CNTN6: variants seen among roughly 807,000 people sequenced by gnomAD.
The protein encoded by CNTN6 is contactin-6.
CNTN6 carries 137 observed loss-of-function variants against 122.8 expected under a neutral mutation model. That is an observed-to-expected ratio of 1.12 (90% CI 0.97 to 1.29). The LOEUF (loss-of-function observed/expected upper bound fraction) is 1.29. Among genes scored for constraint, CNTN6 ranks in the 50% most tolerant of loss-of-function variants. The pLI is 0.00. For synonymous variants in CNTN6, 570 were observed against 426.0 expected (o/e 1.34, Z -4.16); for missense variants, 1,634 against 1,223.4 (o/e 1.34, Z -5.01).
chr3:1,132,009 C>T (rs1159076835), intron 1 of CNTN6, among the ~76,000 whole-genome samples: 3 of 151,950 alleles, frequency 2.0e-5, no homozygotes, highest in African/African-American at 7.2e-5. Context: ...GAGTTTATGT[C>T]AGGTAGAGTG....
chr3:1,136,633 C>T (rs1010501949), intron 1 of CNTN6, among the ~76,000 whole-genome samples: 3 of 152,146 alleles, frequency 2.0e-5, no homozygotes, highest in Non-Finnish European at 4.4e-5. Context: ...AGCTTTATAA[C>T]AACTCAGGGT....
intron 4 of CNTN6, among the ~76,000 whole-genome samples, chr3:1,250,740 T>C (rs550260248): frequency 1.3e-4 from 20 of 152,244 alleles, no homozygotes; most frequent in African/African-American, 4.8e-4. Flanking sequence ...AGCAAAATCT[T>C]TGCACACTTA....
intron 17 of CNTN6, among the ~76,000 whole-genome samples, chr3:1,380,453 A>G (rs1559973362): frequency 6.6e-6 from 1 of 152,156 alleles, no homozygotes; most frequent in South Asian, 2.1e-4. Flanking sequence ...TTTATACATT[A>G]TTTTATCATA....
At chr3:1,389,447 G>A (rs375561170) in intron 20 of CNTN6, among the ~76,000 whole-genome samples, 16,107 of 151,392 alleles carry the variant, frequency 0.11, 1,083 homozygotes, top group Non-Finnish European at 0.15. Context: ...GGTACCAGCC[G>A]CTGCAAAATC....
chr3:1,328,666 T>C (rs903198254), intron 10 of CNTN6, among the ~76,000 whole-genome samples: 4 of 151,794 alleles, frequency 2.6e-5, no homozygotes, highest in Admixed American at 6.6e-5. Flanking sequence ...TTGAGGACAT[T>C]CCCTTTAATC....
intron 4 of CNTN6, among the ~76,000 whole-genome samples, chr3:1,257,320 T>A (rs1195284615): frequency 6.6e-6 from 1 of 152,186 alleles, no homozygotes; most frequent in Non-Finnish European, 1.5e-5. Context: ...AGTTGTGTTT[T>A]TATGATACAG....
chr3:1,279,753 A>C (rs1392414728), intron 5 of CNTN6, among the ~76,000 whole-genome samples: 1 of 152,232 alleles, frequency 6.6e-6, no homozygotes, highest in African/African-American at 2.4e-5. Context: ...ACCAAATCTT[A>C]TTTATGAGCC....
At chr3:1,311,546 CTA>C (rs1190474367) in intron 7 of CNTN6, among the ~76,000 whole-genome samples, 4 of 145,534 alleles carry the variant, frequency 2.7e-5, no homozygotes, top group South Asian at 2.2e-4. Flanking sequence ...ATATAAATGT[CTA>C]TGTGTATATA....
chr3:1,337,045 G>A (rs1703176242), intron 11 of CNTN6, among the ~76,000 whole-genome samples: 1 of 152,090 alleles, frequency 6.6e-6, no homozygotes, highest in African/African-American at 2.4e-5. Flanking sequence ...TTTCTTCATG[G>A]GTAAAATGGT....
At chr3:1,384,697 C>T (rs1279624011) in intron 19 of CNTN6, among the ~76,000 whole-genome samples, 1 of 143,384 alleles carries the variant, frequency 7.0e-6, no homozygotes, top group Non-Finnish European at 1.5e-5. Flanking sequence ...TACACACACA[C>T]ACACGTATAC....
At chr3:1,161,764 ATG>A (rs1491080380) in intron 2 of CNTN6, among the ~76,000 whole-genome samples, 2 of 143,374 alleles carry the variant, frequency 1.4e-5, no homozygotes, top group Non-Finnish European at 3.0e-5. Context: ...ATATATATAT[ATG>A]TATACACACA....
At chr3:1,249,135 G>A (rs1442782605) in intron 4 of CNTN6, among the ~76,000 whole-genome samples, 1 of 152,096 alleles carries the variant, frequency 6.6e-6, no homozygotes, top group Non-Finnish European at 1.5e-5. Context: ...TTAGGTTAAT[G>A]TCTAAAGACA....
chr3:1,105,274 G>A lies in CNTN6; in HGVS notation c.-83+12154G>A, dbSNP rs115119235. 6.5e-3 allele frequency among the ~76,000 whole-genome samples: 982 copies of A among 152,110 alleles called. 15 individuals are homozygous for A. Among genetic ancestry groups the A allele is most frequent in the African/African-American group, 0.022 (934 of 41,520 alleles). ...CTCTATATTACATTTTTTGGAAAAT[G>A]CATGCCTGAATGAATATTTCATGAG... On this transcript the variant is annotated intron_variant, in intron 1 of 22. Coordinates refer to ENST00000446702, the MANE Select transcript of CNTN6 (RefSeq NM_001289080.2).
intron 2 of CNTN6, among the ~76,000 whole-genome samples, chr3:1,173,473 G>A (rs2093396821): frequency 6.6e-6 from 1 of 152,124 alleles, no homozygotes; most frequent in Non-Finnish European, 1.5e-5. Context: ...TTAGATAAAG[G>A]CAACTAATTA....
chr3:1,265,419 T>G (rs756647362), intron 4 of CNTN6, among the ~76,000 whole-genome samples: 2 of 152,158 alleles, frequency 1.3e-5, no homozygotes, highest in Non-Finnish European at 2.9e-5. Context: ...CATTCTCTGC[T>G]CTGGGTCTTA....
intron 2 of CNTN6, among the ~76,000 whole-genome samples, chr3:1,216,123 C>G (rs1241116565): frequency 2.0e-5 from 3 of 151,556 alleles, no homozygotes; most frequent in Non-Finnish European, 2.9e-5. Flanking sequence ...ACAGAGTCAG[C>G]TTTACTATCC....
At chr3:1,357,723 C>T (rs573558884) in intron 12 of CNTN6, among the ~76,000 whole-genome samples, 1 of 151,830 alleles carries the variant, frequency 6.6e-6, no homozygotes, top group Admixed American at 6.6e-5. Context: ...GATATTAGTA[C>T]TTCCTCCTAA....
chr3:1,256,589 T>C (rs1218741950), intron 4 of CNTN6, among the ~76,000 whole-genome samples: 1 of 152,168 alleles, frequency 6.6e-6, no homozygotes, highest in Non-Finnish European at 1.5e-5. Context: ...TTGAGAATTA[T>C]CTACATATAA....
intron 7 of CNTN6, among the ~76,000 whole-genome samples, chr3:1,308,773 A>G (rs1698764526): frequency 6.6e-6 from 1 of 151,958 alleles, no homozygotes; most frequent in Non-Finnish European, 1.5e-5. Flanking sequence ...CTCTTAATCT[A>G]CACCAGCATT....
Sources: allele counts gnomAD v4.1 joint callset (sites outside exome capture counted in the v4.1 genomes callset), GRCh38; gene constraint gnomAD v4.1.1; transcripts MANE v1.5; gene names NCBI Gene and HGNC (gene_info 2026-07-23, HGNC 2026-07-21).